Variants in MAP4 observed in about 807,000 individuals in gnomAD.
The protein encoded by MAP4 is microtubule associated protein 4, also known as microtubule-associated protein 4.
MAP4 carries 76 observed loss-of-function variants against 170.2 expected under a neutral mutation model. That is an observed-to-expected ratio of 0.45 (90% CI 0.37 to 0.54). MAP4 has a LOEUF of 0.54. MAP4 is among the 20% of genes least tolerant of loss of function. The pLI, the probability that MAP4 is intolerant of heterozygous loss-of-function variation, is 0.00. For missense variants in MAP4, 2,506 were observed against 2,748.0 expected (o/e 0.91, Z 1.97); for synonymous variants, 909 against 994.5 (o/e 0.91, Z 1.62).
At chr3:47,991,087 C>T (rs1469184047) in intron 2 of MAP4, among the ~76,000 whole-genome samples, 2 of 152,076 alleles carry the variant, frequency 1.3e-5, no homozygotes, top group Non-Finnish European at 2.9e-5. Context: ...GAATAAAGGT[C>T]GGGGGGTTCT....
intron 8 of MAP4, among the ~76,000 whole-genome samples, chr3:47,913,918 A>G (rs1372219744): frequency 1.3e-5 from 2 of 152,242 alleles, no homozygotes; most frequent in African/African-American, 4.8e-5. Context: ...AATTCACTGA[A>G]TAATCAAACT....
chr3:47,990,142 C>G (rs942251844), intron 2 of MAP4, among the ~76,000 whole-genome samples: 19 of 152,296 alleles, frequency 1.2e-4, no homozygotes, highest in African/African-American at 4.6e-4. Context: ...ACACTGCCCT[C>G]TACTGGCCAA....
chr3:47,920,122 C>T (rs994860474), intron 5 of MAP4, among the ~76,000 whole-genome samples: 15 of 152,266 alleles, frequency 9.9e-5, no homozygotes, highest in African/African-American at 3.4e-4. Flanking sequence ...AGGTGTCTGC[C>T]ACCACTCCCA....
chr3:48,081,239 G>A (rs751569024), intron 1 of MAP4, among the ~76,000 whole-genome samples: 4 of 152,040 alleles, frequency 2.6e-5, no homozygotes, highest in Non-Finnish European at 5.9e-5. Flanking sequence ...GCAGTGAGCC[G>A]AGATTGCGCC....
intron 10 of MAP4, among the ~76,000 whole-genome samples, chr3:47,888,113 T>C (rs1379718938): frequency 6.6e-6 from 1 of 152,182 alleles, no homozygotes; most frequent in Non-Finnish European, 1.5e-5. Context: ...CGAAACTCTG[T>C]ATCTAACTAA....
chr3:48,084,223 AAG>A, intron 1 of MAP4, among the ~76,000 whole-genome samples: 1 of 151,018 alleles, frequency 6.6e-6, no homozygotes, highest in East Asian at 2.0e-4. Context: ...AAAAAAAAAA[AAG>A]AATAAGAACA....
intron 3 of MAP4, among the ~76,000 whole-genome samples, chr3:47,936,054 C>A (rs1221446421): frequency 6.6e-6 from 1 of 150,874 alleles, no homozygotes; most frequent in African/African-American, 2.4e-5. Context: ...CCCTGAAAGA[C>A]ACTGCCTAAG....
chr3:48,062,189 T>A lies in MAP4; in HGVS notation c.-20+26584A>T, dbSNP rs796240452. Among the ~76,000 whole-genome samples the A allele has an allele frequency of 2.7e-5, 4 of 148,360 alleles. No homozygotes were observed. In the East Asian group the frequency reaches 8.1e-4, roughly 30 times the overall value. On this transcript the variant is annotated intron_variant, in intron 1 of 18. Coordinates refer to the MAP4 transcript ENST00000360240. ...TCTGCCTTGGGATGCTGTTGATCTA[T>A]GACCTTACCCCCAACCCGGTGCTCT...
intron 1 of MAP4, among the ~76,000 whole-genome samples, chr3:48,044,426 A>G (rs2100123306): frequency 6.7e-6 from 1 of 148,682 alleles, no homozygotes; most frequent in Admixed American, 6.7e-5. Flanking sequence ...AAGTGCTGGG[A>G]TTACAGGCGT....
At chr3:47,989,046 G>A (rs113400284) in intron 2 of MAP4, among the ~76,000 whole-genome samples, 1,539 of 152,208 alleles carry the variant, frequency 0.01, 30 homozygotes, top group African/African-American at 0.035. Context: ...TCCTGACTTC[G>A]TGATCTGCCT....
At chr3:47,853,459 C>T (rs2048313730) in intron 19 of MAP4, 107 bp from the exon 20 acceptor site, 2 of 805,760 alleles carry the variant, frequency 2.5e-6, no homozygotes, top group African/African-American at 3.4e-5. Context: ...GCTGCCCTGG[C>T]ACCCACTGGC....
At chr3:48,077,936 G>A (rs1333958092) in intron 1 of MAP4, among the ~76,000 whole-genome samples, 1 of 152,088 alleles carries the variant, frequency 6.6e-6, no homozygotes, top group African/African-American at 2.4e-5. Context: ...AACACAGAAA[G>A]GCCATTTATT....
intron 1 of MAP4, among the ~76,000 whole-genome samples, chr3:48,053,744 C>A (rs1265445667): frequency 6.6e-6 from 1 of 152,036 alleles, no homozygotes; most frequent in Non-Finnish European, 1.5e-5. Flanking sequence ...TTGATGATCT[C>A]CAGAATGTGC....
In MAP4 at chr3:47,870,886, G is replaced by T; in HGVS notation, c.6221C>A (p.Ala2074Asp). The T allele has an allele frequency of 6.2e-7, 1 of 1,613,366 alleles. No individual in the cohort carries two copies. The highest frequency in any genetic ancestry group is 8.5e-7 in the Non-Finnish European group (1 of 1,179,608). ...RLSRLATNTS[A>D]PDLKNVRSKV... is the part of the protein sequence containing the mutation. ...GGAGCGGACATTCTTCAGATCAGGA[G>T]CAGAAGTATTGGTGGCCAGGCGGCT... The change falls in exon 15 of 21, where the codon GCT becomes GAT. Residue 2074 changes from alanine to aspartate, a missense_variant. Ala to Asp is a moderately radical substitution (Grantham distance 126, BLOSUM62 -2). Around this residue, in one of 3 missense-constraint regions of MAP4, gnomAD observed 487 missense variants for 511.6 expected, o/e 0.95. Transcript: ENST00000683076.
At chr3:47,962,771 G>A (rs988213781) in intron 3 of MAP4, among the ~76,000 whole-genome samples, 5 of 152,194 alleles carry the variant, frequency 3.3e-5, no homozygotes, top group African/African-American at 4.8e-5. Flanking sequence ...ACCTACCGCA[G>A]AACATACTGT....
At chr3:47,863,904 G>A (rs2073709086) in intron 17 of MAP4, among the ~76,000 whole-genome samples, 1 of 142,918 alleles carries the variant, frequency 7.0e-6, no homozygotes, top group Non-Finnish European at 1.5e-5. Context: ...ATTTCTGTGT[G>A]TGTGTGTGTG....
chr3:48,028,958 C>A (rs1199372144), intron 1 of MAP4, among the ~76,000 whole-genome samples: 1 of 151,904 alleles, frequency 6.6e-6, no homozygotes, highest in African/African-American at 2.4e-5. Flanking sequence ...GCCTGGGCAA[C>A]ATGGTGAACC....
At chr3:47,942,184 A>T (rs774178886) in intron 3 of MAP4, among the ~76,000 whole-genome samples, 1 of 152,198 alleles carries the variant, frequency 6.6e-6, no homozygotes, top group Non-Finnish European at 1.5e-5. Context: ...AAGCTTAGCC[A>T]TGTGAGAAAT....
chr3:48,025,295 T>A (rs1172253287), intron 1 of MAP4, among the ~76,000 whole-genome samples: 2 of 150,114 alleles, frequency 1.3e-5, no homozygotes, highest in African/African-American at 4.9e-5. Flanking sequence ...CTACACACTT[T>A]TTTTTTTTTT....
Sources: gnomAD v4.1 joint callset for allele counts (sites outside exome capture counted in the v4.1 genomes callset) on GRCh38, gnomAD v4.1.1 for gene constraint, gnomAD v4.1.1 regional missense constraint, MANE v1.5 for transcripts, NCBI Gene and HGNC (gene_info 2026-07-23, HGNC 2026-07-21) for gene names.